Variants in GALNT12 observed in about 807,000 individuals in gnomAD.
GALNT12 encodes the protein polypeptide N-acetylgalactosaminyltransferase 12.
GALNT12 carries 45 observed loss-of-function variants against 55.5 expected under a neutral mutation model. The ratio of observed to expected loss-of-function variants is 0.81; its 90% CI spans 0.64 to 1.04. GALNT12 has a LOEUF of 1.04. Ranked by LOEUF, GALNT12 falls within the 50% of genes least tolerant of loss-of-function variation. The pLI is 0.00. For missense variants in GALNT12, 709 were observed against 754.8 expected, an observed-to-expected ratio of 0.94 and a Z score of 0.71; for synonymous variants, 304 against 312.2, an observed-to-expected ratio of 0.97 and a Z score of 0.28.
In GALNT12 at chr9:98,834,666, A is replaced by G. The variant is rs568344448; in HGVS notation, c.918-583A>G. 1.4e-3 allele frequency among the ~76,000 whole-genome samples: 216 copies of G among 152,324 alleles called. 1 individual carries two copies. Among genetic ancestry groups the G allele is most frequent in the African/African-American group, 4.7e-3 (197 of 41,586 alleles). On this transcript the variant is annotated intron_variant, in intron 4 of 9. Coordinates refer to ENST00000375011, the MANE Select transcript of GALNT12 (RefSeq NM_024642.5). ...CCCTCGGGGCACTTTCAGATGCCAG[A>G]GTTGCCTTTAGGGCCTTCTGCATAC...
At chr9:98,827,014 C>A in intron 3 of GALNT12, 73 bp downstream of exon 3, 2 of 1,482,922 alleles carry the variant, frequency 1.3e-6, no homozygotes, top group Non-Finnish European at 1.8e-6. Flanking sequence ...AGACTCATCA[C>A]GTCACTTGAG....
intron 2 of GALNT12, among the ~76,000 whole-genome samples, chr9:98,826,287 C>T (rs1835854721): frequency 6.6e-6 from 1 of 152,114 alleles, no homozygotes; most frequent in South Asian, 2.1e-4. Context: ...GTTTTAGCTG[C>T]TATTATTATT....
At position 98,826,871 on chromosome 9, in the gene GALNT12, G is replaced by A. The variant is rs2118377786; in HGVS notation, c.661G>A (p.Gly221Ser). 6.3e-7 allele frequency: 1 copy of A among 1,599,230 alleles called. No individual in the cohort carries two copies. The highest frequency in any genetic ancestry group is 8.5e-7 in the Non-Finnish European group (1 of 1,173,146). Residue 221 changes from glycine (G) to serine (S), a missense_variant, in exon 3 of 10, where the codon GGC becomes AGC. By Grantham distance (56) the Gly-to-Ser change is moderately conservative (BLOSUM62 0). Around this residue, in one of 5 missense-constraint regions of GALNT12, gnomAD observed 315 missense variants for 288.6 expected, o/e 1.09. Transcript: ENST00000375011. ...GCTGCTGGGGGCGTCTGCGGCGAGG[G>A]GCGATGTTCTGACCTTCCTGGACTG... Reference protein sequence around the residue: ...ARLLGASAARGDVLTFLDCHC... With the variant: ...ARLLGASAARSDVLTFLDCHC...
chr9:98,821,430 G>A (rs1835733445), intron 1 of GALNT12, among the ~76,000 whole-genome samples: 3 of 151,826 alleles, frequency 2.0e-5, no homozygotes, highest in East Asian at 2.0e-4. Context: ...GACCATCCTG[G>A]CTAACATGGT....
chr9:98,846,149 T>C, intron 9 of GALNT12, 26 bp downstream of exon 9: 1 of 1,613,742 alleles, frequency 6.2e-7, no homozygotes, highest in Non-Finnish European at 8.5e-7. Context: ...CCTTCCTTCC[T>C]GCTGACAGTC....
At chr9:98,831,462 C>A (rs1835989904) in intron 3 of GALNT12, among the ~76,000 whole-genome samples, 1 of 152,266 alleles carries the variant, frequency 6.6e-6, no homozygotes, top group East Asian at 1.9e-4. Flanking sequence ...TGTGATTAAA[C>A]CTCTTGCACT....
intron 4 of GALNT12, among the ~76,000 whole-genome samples, chr9:98,832,499 T>C (rs965681920): frequency 6.6e-6 from 1 of 152,190 alleles, no homozygotes; most frequent in African/African-American, 2.4e-5. Context: ...AGCCGGGCGA[T>C]AGAGTGACAC....
rs1223117788 is a variant in GALNT12 at position 98,849,893 on chromosome 9, A to C, written c.*801A>C. On this transcript the variant is annotated 3_prime_UTR_variant, in exon 10 of 10. Transcript: ENST00000375011. ...GGGAGAAATGTAATGTTCTATATGA[A>C]ATTCCTTTTTCAAGTTTGTTCATTA... The C allele has an allele frequency of 3.7e-6, 1 of 272,720 alleles. No homozygotes were observed. The highest frequency in any genetic ancestry group is 2.2e-5 in the African/African-American group (1 of 46,428). The allele number at this position is 272,720 out of a possible 1,614,324, so 16.9% of individuals were successfully genotyped here.
intron 7 of GALNT12, among the ~76,000 whole-genome samples, chr9:98,841,567 C>T (rs751465471): frequency 8.0e-4 from 122 of 152,212 alleles, no homozygotes; most frequent in Non-Finnish European, 1.4e-3. Context: ...ATTTCTTCCA[C>T]ATTTATTAGC....
At chr9:98,844,439 G>A (rs1048109999) in intron 8 of GALNT12, 16 of 528,496 alleles carry the variant, frequency 3.0e-5, no homozygotes, top group African/African-American at 1.9e-4. Flanking sequence ...ATGTCTGTAT[G>A]TTTTATATTC....
chr9:98,827,915 C>G (rs1224624628), intron 3 of GALNT12, among the ~76,000 whole-genome samples: 2 of 152,156 alleles, frequency 1.3e-5, no homozygotes, highest in African/African-American at 4.8e-5. Context: ...CCTACCTTCC[C>G]CCCTCAAGAA....
intron 8 of GALNT12, among the ~76,000 whole-genome samples, chr9:98,845,675 C>A (rs1258272852): frequency 1.3e-5 from 2 of 152,116 alleles, no homozygotes; most frequent in African/African-American, 4.8e-5. Context: ...TCCTCCCATC[C>A]CACACCAACA....
rs200032435 is a variant in GALNT12, at chr9:98,828,557, C to T, written c.731+1616C>T. Among the ~76,000 whole-genome samples the T allele has an allele frequency of 8.5e-5, 13 of 152,298 alleles. No homozygotes were observed. The East Asian group carries it at 2.1e-3, about 25-fold the overall frequency. On this transcript the variant is annotated intron_variant, in intron 3 of 9. Transcript: ENST00000375011. ...AATGCTTTTAGAATTCCTCTTCATC[C>T]CACCCTTTGGACATGGGCCAGCCGC...
intron 7 of GALNT12, 48 bp downstream of exon 7, chr9:98,840,181 C>T (rs777811760): frequency 1.7e-5 from 28 of 1,609,818 alleles, no homozygotes; most frequent in Non-Finnish European, 2.4e-5. Context: ...TCCCTGGCCT[C>T]TGGGTCTGCT....
At chr9:98,830,069 G>A (rs1835956574) in intron 3 of GALNT12, among the ~76,000 whole-genome samples, 3 of 152,232 alleles carry the variant, frequency 2.0e-5, no homozygotes, top group Admixed American at 2.0e-4. Flanking sequence ...CATAGAGGTT[G>A]TACTAATTTA....
At chr9:98,843,174 T>C (rs1215714046) in intron 7 of GALNT12, among the ~76,000 whole-genome samples, 2 of 152,220 alleles carry the variant, frequency 1.3e-5, no homozygotes, top group Admixed American at 6.5e-5. Flanking sequence ...ATATTTCTTT[T>C]TTCTTACCCT....
At chr9:98,823,137 C>T in intron 1 of GALNT12, 119 bp from the exon 2 acceptor site, 1 of 922,964 alleles carries the variant, frequency 1.1e-6, no homozygotes, top group Non-Finnish European at 1.8e-6. Context: ...TCTGGAAGAT[C>T]CTTCAGTGGA....
intron 6 of GALNT12, among the ~76,000 whole-genome samples, chr9:98,839,046 C>T (rs541757609): frequency 6.6e-6 from 1 of 152,106 alleles, no homozygotes; most frequent in Non-Finnish European, 1.5e-5. Flanking sequence ...CTGCCTCCTC[C>T]GTCTTGCCCA....
intron 1 of GALNT12, among the ~76,000 whole-genome samples, chr9:98,815,535 TAGG>T (rs892547509): frequency 2.0e-5 from 3 of 152,158 alleles, no homozygotes; most frequent in Non-Finnish European, 4.4e-5. Flanking sequence ...AGAATGCCTT[TAGG>T]AGATGTTTTC....
Sources: allele counts gnomAD v4.1 joint callset (sites outside exome capture counted in the v4.1 genomes callset), GRCh38; gene constraint gnomAD v4.1.1; regional missense constraint gnomAD v4.1.1; transcripts MANE v1.5; gene names NCBI Gene and HGNC (gene_info 2026-07-23, HGNC 2026-07-21).